IQCH: variants seen among roughly 807,000 people sequenced by gnomAD.
IQCH encodes the protein IQ domain-containing protein H.
Under a neutral mutation model 117.0 loss-of-function variants are expected in IQCH, and 98 were observed. The ratio of observed to expected loss-of-function variants is 0.84; its 90% CI spans 0.71 to 0.99. IQCH has a LOEUF of 0.99. IQCH is among the 50% of genes least tolerant of loss of function. The pLI is 0.00. For synonymous variants in IQCH, 412 were observed against 448.2 expected, an observed-to-expected ratio of 0.92 and a Z score of 1.02; for missense variants, 1,102 against 1,243.8, an observed-to-expected ratio of 0.89 and a Z score of 1.72.
intron 4 of IQCH, among the ~76,000 whole-genome samples, chr15:67,321,573 C>T (rs1488561457): frequency 7.0e-6 from 1 of 143,118 alleles, no homozygotes; most frequent in African/African-American, 2.6e-5. Context: ...CTCTCCCTTT[C>T]TTCCTCTCCC....
At chr15:67,280,743 A>T (rs1481238590) in intron 4 of IQCH, among the ~76,000 whole-genome samples, 1 of 152,136 alleles carries the variant, frequency 6.6e-6, no homozygotes, top group East Asian at 1.9e-4. Context: ...ACTTAAAAGT[A>T]ATACTAGCTC....
At chr15:67,343,600 C>A (rs1360536314) in intron 5 of IQCH, among the ~76,000 whole-genome samples, 1 of 152,098 alleles carries the variant, frequency 6.6e-6, no homozygotes, top group Non-Finnish European at 1.5e-5. Context: ...AAAAATAACT[C>A]CTTATTTGAT....
chr15:67,273,224 C>G (rs1052121770), intron 3 of IQCH, among the ~76,000 whole-genome samples: 1 of 152,058 alleles, frequency 6.6e-6, no homozygotes, highest in Non-Finnish European at 1.5e-5. Context: ...GCGCCTGCCA[C>G]CATGCCTGGC....
At chr15:67,400,736 C>T (rs1271000672) in intron 14 of IQCH, among the ~76,000 whole-genome samples, 1 of 151,588 alleles carries the variant, frequency 6.6e-6, no homozygotes, top group African/African-American at 2.4e-5. Context: ...TGAGCTCAAA[C>T]GATACACCCA....
rs764316081 is a variant in IQCH at position 67,465,156 on chromosome 15, T to C, written c.2535T>C (p.Tyr845=). 6.2e-6 allele frequency: 10 copies of C among 1,614,148 alleles called. No homozygotes were observed. Among genetic ancestry groups the C allele is most frequent in the Middle Eastern group, 1.7e-4 (1 of 6,060 alleles). Residue 845 remains tyrosine, a synonymous_variant, in exon 17 of 21, where the codon TAT becomes TAC. Coordinates refer to ENST00000335894, the MANE Select transcript of IQCH (RefSeq NM_001031715.3). This position sits in a 1 kb window ranked among gnomAD's most constrained non-coding sequence, Gnocchi z 5.9. ...GGGCAACCGGCCTTAACCTCGCATA[T>C]AGTGACCAGCTGGCCCTGACTCAAC... The part of the protein sequence containing the change: ...QVWATGLNLA[Y]SDQLALTQLT...
At chr15:67,258,277 C>T (rs1192708542) in intron 1 of IQCH, among the ~76,000 whole-genome samples, 2 of 151,174 alleles carry the variant, frequency 1.3e-5, no homozygotes, top group Admixed American at 6.6e-5. Flanking sequence ...TGCCTGTAAT[C>T]CCAGCACTTT....
rs1342054817 is a variant in IQCH at position 67,416,347 on chromosome 15, G to A, written c.2098-584G>A. Among the ~76,000 whole-genome samples the A allele has an allele frequency of 2.0e-5, 3 of 151,802 alleles. No individual in the cohort carries two copies. Among genetic ancestry groups the A allele is most frequent in the Admixed American group, 2.0e-4 (3 of 15,228 alleles). On this transcript the variant is annotated intron_variant, in intron 14 of 20. Coordinates refer to ENST00000335894, the MANE Select transcript of IQCH (RefSeq NM_001031715.3). The surrounding 1 kb of genome is among the most constrained non-coding windows in gnomAD (Gnocchi z 5.1). ...AGCCTGACCAACATGGAGAAACCCC[G>A]TCACTACTAAAAATACAAAATTAGC...
rs546102915 is a variant in IQCH, at chr15:67,341,775, A to G, written c.509-2288A>G. 3.9e-5 allele frequency among the ~76,000 whole-genome samples: 6 copies of G among 152,334 alleles called. No individual in the cohort carries two copies. In the East Asian group the frequency reaches 1.2e-3, roughly 29 times the overall value. ...TACAGTAAATTCAAAGGACAATCCA[A>G]ATAGACACATTTATAAATCGAGAAT... On this transcript the variant is annotated intron_variant, in intron 5 of 20. Coordinates refer to ENST00000335894, the MANE Select transcript of IQCH (RefSeq NM_001031715.3).
At chr15:67,442,294 C>T (rs1053543455) in intron 16 of IQCH, among the ~76,000 whole-genome samples, 3 of 151,978 alleles carry the variant, frequency 2.0e-5, no homozygotes, top group Non-Finnish European at 2.9e-5. Flanking sequence ...CCTGTAATCC[C>T]AGCTACTCGG....
intron 8 of IQCH, chr15:67,360,145 C>A: frequency 2.5e-6 from 1 of 396,748 alleles, no homozygotes; most frequent in Non-Finnish European, 4.4e-6. Flanking sequence ...ACTTAGCGTC[C>A]TTAAAATTTG....
At chr15:67,487,231 G>A (rs2083508357) in intron 18 of IQCH, among the ~76,000 whole-genome samples, 1 of 152,200 alleles carries the variant, frequency 6.6e-6, no homozygotes, top group East Asian at 1.9e-4. Flanking sequence ...TACTTGGGAG[G>A]CTGAGAAAGG....
At chr15:67,377,673 C>T (rs1020459383) in intron 10 of IQCH, among the ~76,000 whole-genome samples, 2 of 152,162 alleles carry the variant, frequency 1.3e-5, no homozygotes, top group African/African-American at 4.8e-5. Flanking sequence ...AAATATGGGG[C>T]TCTGCTGCTG....
At position 67,475,153 on chromosome 15, in the gene IQCH, G is replaced by A. The variant is rs1298274046; in HGVS notation, c.2677-543G>A. 3.3e-5 allele frequency among the ~76,000 whole-genome samples: 5 copies of A among 152,140 alleles called. No individual in the cohort carries two copies. Among genetic ancestry groups the A allele is most frequent in the African/African-American group, 1.2e-4 (5 of 41,432 alleles). ...AAAAAGGAATTAGGGAAAAACTAAT[G>A]AAATAGAAATAAAGTATGGATTTAT... On this transcript the variant is annotated intron_variant, in intron 17 of 20. Transcript: ENST00000335894. This position sits in a 1 kb window ranked among gnomAD's most constrained non-coding sequence, Gnocchi z 5.7.
At position 67,447,049 on chromosome 15, in the gene IQCH, C is replaced by A. The variant is rs2082407193; in HGVS notation, c.2506-18078C>A. On this transcript the variant is annotated intron_variant, in intron 16 of 20. Transcript: ENST00000335894. The surrounding 1 kb of genome is among the most constrained non-coding windows in gnomAD (Gnocchi z 5.3). ...CAGGGTCAAGCACAGTAGAGAAAAC[C>A]TGGCCTTTTGGGTTAGGCAAACCTG... Among the ~76,000 whole-genome samples the A allele has an allele frequency of 6.6e-6, 1 of 152,172 alleles. No homozygotes were observed. Among genetic ancestry groups the A allele is most frequent in the Admixed American group, 6.5e-5 (1 of 15,268 alleles).
In IQCH at chr15:67,494,069, C is replaced by T. The variant is rs1395152304; in HGVS notation, c.2862-189C>T. ...GTTGATTAATAAAAAATATTTATTA[C>T]GCAAATCCTTTTTGTTGACAAGTTA... On this transcript the variant is annotated intron_variant, in intron 19 of 20. Coordinates refer to ENST00000335894, the MANE Select transcript of IQCH (RefSeq NM_001031715.3). The surrounding 1 kb of genome is among the most constrained non-coding windows in gnomAD (Gnocchi z 5.5). Among the ~76,000 whole-genome samples, 7 of 152,142 alleles carry T rather than the reference C, an allele frequency of 4.6e-5. No homozygotes were observed. Among genetic ancestry groups the T allele is most frequent in the Non-Finnish European group, 1.0e-4 (7 of 68,032 alleles).
At chr15:67,397,421 G>A (rs1181253179) in intron 13 of IQCH, among the ~76,000 whole-genome samples, 1 of 152,190 alleles carries the variant, frequency 6.6e-6, no homozygotes, top group African/African-American at 2.4e-5. Context: ...TGTGCAAATT[G>A]TATAACAATA....
At chr15:67,306,765 A>AT in intron 4 of IQCH, 4 of 1,164,106 alleles carry the variant, frequency 3.4e-6, no homozygotes, top group Non-Finnish European at 5.0e-6. Context: ...CTCACTGGTG[A>AT]TTTTTTCAAT....
At chr15:67,316,224 A>T (rs1234028962) in intron 4 of IQCH, among the ~76,000 whole-genome samples, 1 of 152,196 alleles carries the variant, frequency 6.6e-6, no homozygotes, top group Non-Finnish European at 1.5e-5. Context: ...ATAGAAGATT[A>T]TCAGGAGGAG....
rs2082933636 is a variant in IQCH, at chr15:67,466,355, G to T, written c.2676+1058G>T. On this transcript the variant is annotated intron_variant, in intron 17 of 20. Transcript: ENST00000335894. The surrounding 1 kb of genome is among the most constrained non-coding windows in gnomAD (Gnocchi z 4.4). ...ACGGTGCTCTCACAGCTGCCAGAGG[G>T]TTTCTTTGGCCTTTCCTTACAACAG... The T allele has an allele frequency of 6.6e-6, 1 of 152,194 alleles. No individual in the cohort carries two copies. Among genetic ancestry groups the T allele is most frequent in the Admixed American group, 6.5e-5 (1 of 15,272 alleles). 9.4% of individuals were successfully genotyped at this position (152,194 alleles called of 1,614,324 possible). A position where few individuals can be genotyped will look rare whatever the true frequency, so the allele number is the denominator to read the frequency against.
Sources: allele counts gnomAD v4.1 joint callset (sites outside exome capture counted in the v4.1 genomes callset), GRCh38; gene constraint gnomAD v4.1.1; non-coding constraint Gnocchi (gnomAD v3.1); transcripts MANE v1.5; gene names NCBI Gene and HGNC (gene_info 2026-07-23, HGNC 2026-07-21).